Variants in LHFPL3 observed in about 807,000 individuals in gnomAD.
LHFPL3 encodes LHFPL tetraspan subfamily member 3 protein.
LHFPL3 carries 5 observed loss-of-function variants against 19.3 expected under a neutral mutation model. That is an observed-to-expected ratio of 0.26 (90% CI 0.14 to 0.54). The LOEUF is 0.54. Ranked by LOEUF, LHFPL3 falls within the 20% of genes least tolerant of loss-of-function variation. The pLI, the probability that LHFPL3 is intolerant of heterozygous loss-of-function variation, is 0.94. For synonymous variants in LHFPL3, 133 were observed against 126.2 expected (o/e 1.05, Z -0.36); for missense variants, 249 against 307.4 (o/e 0.81, Z 1.42).
chr7:104,428,371 C>A (rs543758393), intron 1 of LHFPL3, among the ~76,000 whole-genome samples: 2 of 152,270 alleles, frequency 1.3e-5, no homozygotes, highest in African/African-American at 2.4e-5. Context: ...CAGTTAATGT[C>A]CTTTTTTCAG....
chr7:104,405,289 T>C (rs1204229753), intron 1 of LHFPL3, among the ~76,000 whole-genome samples: 2 of 152,202 alleles, frequency 1.3e-5, no homozygotes, highest in Non-Finnish European at 2.9e-5. Context: ...TAATATTCTA[T>C]GATATAAAAA....
intron 1 of LHFPL3, among the ~76,000 whole-genome samples, chr7:104,525,966 T>C (rs1294507988): frequency 1.3e-5 from 2 of 152,084 alleles, no homozygotes; most frequent in Admixed American, 1.3e-4. Flanking sequence ...AGGCACACTC[T>C]CCCAACTGAA....
At chr7:104,504,069 G>A (rs781536718) in intron 1 of LHFPL3, among the ~76,000 whole-genome samples, 11 of 152,048 alleles carry the variant, frequency 7.2e-5, no homozygotes, top group Non-Finnish European at 1.6e-4. Flanking sequence ...TTTCTCTCCA[G>A]GCCAGACTCC....
At chr7:104,675,484 T>G (rs527728089) in intron 1 of LHFPL3, among the ~76,000 whole-genome samples, 1 of 152,132 alleles carries the variant, frequency 6.6e-6, no homozygotes, top group Non-Finnish European at 1.5e-5. Flanking sequence ...AGTGGAATAA[T>G]GTGGCTTAAT....
chr7:104,472,506 A>G (rs117476279), intron 1 of LHFPL3, among the ~76,000 whole-genome samples: 3,577 of 152,332 alleles, frequency 0.023, 72 homozygotes, highest in Non-Finnish European at 0.039. Context: ...GATCACTACT[A>G]TAGCATCCTC....
chr7:104,614,653 C>CTCCT lies in LHFPL3; in HGVS notation c.446-121995_446-121992dup, dbSNP rs758321617. ...CTTCTCTTCTCTTCTCTTCTCTTCT[C>CTCCT]TCCTTCCTTCCTTCCTTCCTTCCTT... is the stretch of plus-strand genomic sequence containing the variant. On this transcript the variant is annotated intron_variant, in intron 1 of 2. Transcript: ENST00000424859. Among the ~76,000 whole-genome samples the CTCCT allele has an allele frequency of 1.1e-3, 59 of 51,530 alleles. 1 individual carries two copies. Among genetic ancestry groups the CTCCT allele is most frequent in the East Asian group, 2.1e-3 (3 of 1,442 alleles). The allele number at this position is 51,530 out of a possible 152,430, so 33.8% of individuals were successfully genotyped here.
intron 1 of LHFPL3, among the ~76,000 whole-genome samples, chr7:104,675,959 T>C (rs957697771): frequency 9.2e-5 from 14 of 152,284 alleles, no homozygotes; most frequent in South Asian, 8.3e-4. Context: ...GCCCTCAGCA[T>C]AGGGATGTTT....
intron 2 of LHFPL3, among the ~76,000 whole-genome samples, chr7:104,801,937 A>AT (rs1216579105): frequency 6.6e-6 from 1 of 152,204 alleles, no homozygotes; most frequent in Non-Finnish European, 1.5e-5. Flanking sequence ...ATCAAAGACC[A>AT]TTAACTAAGT....
chr7:104,390,563 T>A (rs1324065471), intron 1 of LHFPL3, among the ~76,000 whole-genome samples: 1 of 152,230 alleles, frequency 6.6e-6, no homozygotes, highest in African/African-American at 2.4e-5. Flanking sequence ...TGTGCTACAT[T>A]TGCTTAATCC....
chr7:104,340,697 G>A (rs981376485), intron 1 of LHFPL3, among the ~76,000 whole-genome samples: 1 of 152,148 alleles, frequency 6.6e-6, no homozygotes, highest in African/African-American at 2.4e-5. Context: ...TTAGTAAACT[G>A]CATGGTGTTA....
chr7:104,582,215 GT>G (rs1790474203), intron 1 of LHFPL3, among the ~76,000 whole-genome samples: 1 of 151,408 alleles, frequency 6.6e-6, no homozygotes, highest in Admixed American at 6.6e-5. Flanking sequence ...TAATATGTTT[GT>G]TTTTTGACAC....
At chr7:104,906,046 C>G in intron 2 of LHFPL3, 141 bp from the exon 3 acceptor site, 1 of 771,462 alleles carries the variant, frequency 1.3e-6, no homozygotes, top group East Asian at 2.7e-5. Context: ...TGTTTGGTAA[C>G]AAATGCAAAA....
chr7:104,710,964 G>C (rs1409694226), intron 1 of LHFPL3, among the ~76,000 whole-genome samples: 2 of 152,132 alleles, frequency 1.3e-5, no homozygotes, highest in Admixed American at 6.5e-5. Flanking sequence ...TACCATTAGT[G>C]TCCAAGGATG....
rs527940410 is a variant in LHFPL3 at position 104,445,663 on chromosome 7, T to C, written c.445+116439T>C. Among the ~76,000 whole-genome samples the C allele has an allele frequency of 2.6e-3, 394 of 152,326 alleles. 1 individual carries two copies. The highest frequency in any genetic ancestry group is 9.0e-3 in the African/African-American group (373 of 41,574). Reference sequence around the variant, plus strand: ...ACAAAAAGGCCAGACTTCAGTCTGGTTACCTCCTTTTTTATACAGAAACTT... The same window carrying C: ...ACAAAAAGGCCAGACTTCAGTCTGGCTACCTCCTTTTTTATACAGAAACTT... On this transcript the variant is annotated intron_variant, in intron 1 of 2. Transcript: ENST00000424859.
intron 1 of LHFPL3, among the ~76,000 whole-genome samples, chr7:104,383,457 A>C (rs1790870532): frequency 6.6e-6 from 1 of 152,218 alleles, no homozygotes; most frequent in African/African-American, 2.4e-5. Context: ...CAGATATGCA[A>C]ACAGGCCAGC....
intron 1 of LHFPL3, among the ~76,000 whole-genome samples, chr7:104,446,884 T>C (rs1396130973): frequency 6.6e-6 from 1 of 152,226 alleles, no homozygotes; most frequent in Non-Finnish European, 1.5e-5. Flanking sequence ...CCCATCTAGA[T>C]CTTAGCACCT....
rs115442271 is a variant in LHFPL3, at chr7:104,420,150, G to A, written c.445+90926G>A. 5.3e-3 allele frequency among the ~76,000 whole-genome samples: 808 copies of A among 152,304 alleles called. 7 individuals carry two copies. The highest frequency in any genetic ancestry group is 0.018 in the African/African-American group (760 of 41,566). ...TACTAGTCCACAACCAAAGCAGGGT[G>A]GAAGGCACTTTTCTGGGTCTTCTTC... On this transcript the variant is annotated intron_variant, in intron 1 of 2. Transcript: ENST00000424859.
intron 1 of LHFPL3, among the ~76,000 whole-genome samples, chr7:104,355,938 TAGAA>T (rs1374785614): frequency 6.6e-6 from 1 of 152,202 alleles, no homozygotes; most frequent in African/African-American, 2.4e-5. Context: ...ATATATGATA[TAGAA>T]AGATAAATTT....
chr7:104,366,570 G>A (rs1042595655), intron 1 of LHFPL3, among the ~76,000 whole-genome samples: 1 of 152,180 alleles, frequency 6.6e-6, no homozygotes, highest in Admixed American at 6.5e-5. Context: ...ATCTTGCCAA[G>A]CACCCCGTCA....
Sources: allele counts gnomAD v4.1 joint callset (sites outside exome capture counted in the v4.1 genomes callset), GRCh38; gene constraint gnomAD v4.1.1; transcripts MANE v1.5; gene names NCBI Gene and HGNC (gene_info 2026-07-23, HGNC 2026-07-21).